LTBP2: variants seen among roughly 807,000 people sequenced by gnomAD.
LTBP2 encodes latent transforming growth factor beta binding protein 2, also known as latent-transforming growth factor beta-binding protein 2.
Under a neutral mutation model 210.6 loss-of-function variants are expected in LTBP2, and 103 were observed. The observed-to-expected ratio is 0.49, with a 90% CI of 0.42 to 0.58. The LOEUF (loss-of-function observed/expected upper bound fraction) is 0.58. Among genes scored for constraint, LTBP2 ranks in the 20% least tolerant of loss-of-function variants. The pLI, the probability that LTBP2 is intolerant of heterozygous loss-of-function variation, is 0.00. For synonymous variants in LTBP2, 1,007 were observed against 1,015.0 expected (o/e 0.99, Z 0.15); for missense variants, 2,313 against 2,494.5 (o/e 0.93, Z 1.55).
chr14:74,608,460 G>A (rs2088558018), intron 1 of LTBP2, among the ~76,000 whole-genome samples: 1 of 151,610 alleles, frequency 6.6e-6, no homozygotes, highest in South Asian at 2.1e-4. Flanking sequence ...TGTAATCCCA[G>A]CACTTTGGGA....
chr14:74,502,107 G>A, intron 34 of LTBP2: 2 of 283,068 alleles, frequency 7.1e-6, no homozygotes, highest in South Asian at 7.5e-5. Flanking sequence ...CCAGAGGTAT[G>A]GTTTTAGTCT....
chr14:74,525,133 T>A lies in LTBP2; in HGVS notation c.2521A>T (p.Ser841Cys). ...TPSTDVLVTL[S>C]TPGIDRCAAG... ...GTCTGGCTGCAGCTACCTGGGGTGCTCAGGGTCACCAGCACATCAGTGGAG... is the reference window on the plus strand; with the variant it reads ...GTCTGGCTGCAGCTACCTGGGGTGCACAGGGTCACCAGCACATCAGTGGAG... The change falls in exon 15 of 36, where the codon AGC (serine) becomes TGC (cysteine). Residue 841 changes from serine (S) to cysteine (C), a missense_variant. By Grantham distance (112) the Ser-to-Cys change is moderately radical (BLOSUM62 -1). Transcript: ENST00000261978. 7.5e-7 allele frequency: 1 copy of A among 1,328,980 alleles called. No homozygotes were observed. The highest frequency in any genetic ancestry group is 9.7e-7 in the Non-Finnish European group (1 of 1,029,962). The allele number at this position is 1,328,980 out of a possible 1,614,324, so 82.3% of individuals were successfully genotyped here. A position where few individuals can be genotyped will look rare whatever the true frequency, so the allele number is the denominator to read the frequency against.
At chr14:74,509,391 A>G (rs1019718719) in intron 21 of LTBP2, 28 bp from the exon 22 acceptor site, 1 of 1,611,908 alleles carries the variant, frequency 6.2e-7, no homozygotes, top group Admixed American at 1.7e-5. Flanking sequence ...TCGCCCGGGG[A>G]CCTAGGAGGG....
At chr14:74,573,635 A>G (rs10139746) in intron 3 of LTBP2, among the ~76,000 whole-genome samples, 70,645 of 152,018 alleles carry the variant, frequency 0.46, 17,442 homozygotes, top group Non-Finnish European at 0.56. Context: ...GGAGGGTAAG[A>G]GCTTGCCTAC....
In LTBP2 at chr14:74,597,839, C is replaced by T. The variant is rs182731759; in HGVS notation, c.565+5796G>A. On this transcript the variant is annotated intron_variant, in intron 2 of 35. Coordinates refer to ENST00000261978, the MANE Select transcript of LTBP2 (RefSeq NM_000428.3). ...CAGAGTCCCCACTGGCTGGTTCATCCGGAGATGAGACTTTCCTGGCTCCTG... is the reference window on the plus strand; with the variant it reads ...CAGAGTCCCCACTGGCTGGTTCATCTGGAGATGAGACTTTCCTGGCTCCTG... Among the ~76,000 whole-genome samples the T allele has an allele frequency of 2.4e-4, 37 of 152,302 alleles. 1 individual carries two copies. In the East Asian group the frequency reaches 5.0e-3, roughly 21 times the overall value.
At chr14:74,570,612 G>A (rs1220800807) in intron 3 of LTBP2, among the ~76,000 whole-genome samples, 2 of 148,018 alleles carry the variant, frequency 1.4e-5, no homozygotes, top group Admixed American at 1.4e-4. Flanking sequence ...GATGTGCCAG[G>A]CCTCTGCTAA....
At position 74,516,819 on chromosome 14, in the gene LTBP2, T is replaced by G. The variant is rs1014962777; in HGVS notation, c.2908+3A>C. On this transcript the variant is annotated splice_donor_region_variant and intron_variant, in intron 18 of 35. Coordinates refer to ENST00000261978, the MANE Select transcript of LTBP2 (RefSeq NM_000428.3). ...GGGCGCTTCCCTCCTTCCCGTTCCT[T>G]ACCTTGGCAGTGTCCTTTCCTGACC... is the stretch of plus-strand genomic sequence containing the variant. 3 of 1,551,728 alleles carry G rather than the reference T, an allele frequency of 1.9e-6. No homozygotes were observed. The highest frequency in any genetic ancestry group is 2.6e-6 in the Non-Finnish European group (3 of 1,147,012).
At chr14:74,566,080 T>A (rs1203710087) in intron 3 of LTBP2, among the ~76,000 whole-genome samples, 4 of 152,120 alleles carry the variant, frequency 2.6e-5, no homozygotes, top group African/African-American at 9.7e-5. Flanking sequence ...GTTTTTTTTT[T>A]TAATTTTTTT....
chr14:74,591,853 A>G (rs2088288083), intron 2 of LTBP2, among the ~76,000 whole-genome samples: 1 of 152,156 alleles, frequency 6.6e-6, no homozygotes, highest in South Asian at 2.1e-4. Flanking sequence ...TTCATAGGCT[A>G]TATTTTTCCC....
intron 2 of LTBP2, among the ~76,000 whole-genome samples, chr14:74,587,673 A>G (rs1477413375): frequency 1.3e-5 from 2 of 151,908 alleles, no homozygotes; most frequent in African/African-American, 4.8e-5. Context: ...AGATACACAG[A>G]CCCTGTCATC....
At position 74,500,833 on chromosome 14, in the gene LTBP2, G is replaced by A; in HGVS notation, c.*51C>T. 1 of 1,610,240 alleles carries A rather than the reference G, an allele frequency of 6.2e-7. No homozygotes were observed. Among genetic ancestry groups the A allele is most frequent in the Non-Finnish European group, 8.5e-7 (1 of 1,177,848 alleles). ...CTAGGAAATCATCCTCAAGGCCCCTGCCTGTGACTGGAGGCCATTTCCAGG... is the reference window on the plus strand; with the variant it reads ...CTAGGAAATCATCCTCAAGGCCCCTACCTGTGACTGGAGGCCATTTCCAGG... On this transcript the variant is annotated 3_prime_UTR_variant, in exon 36 of 36. Transcript: ENST00000261978.
At chr14:74,569,565 C>T (rs2087948316) in intron 3 of LTBP2, among the ~76,000 whole-genome samples, 1 of 152,170 alleles carries the variant, frequency 6.6e-6, no homozygotes, top group Middle Eastern at 3.2e-3. Flanking sequence ...GGTTACTCCT[C>T]CCAGGTCCAA....
At chr14:74,587,443 G>C (rs2088222593) in intron 2 of LTBP2, among the ~76,000 whole-genome samples, 1 of 151,878 alleles carries the variant, frequency 6.6e-6, no homozygotes, top group South Asian at 2.1e-4. Context: ...AGGAGACTCA[G>C]ATGGGGCGGC....
At chr14:74,581,668 C>T (rs562021197) in intron 3 of LTBP2, among the ~76,000 whole-genome samples, 4 of 152,158 alleles carry the variant, frequency 2.6e-5, no homozygotes, top group Non-Finnish European at 5.9e-5. Context: ...AACCGAGCCC[C>T]CCTAGAGCCC....
intron 4 of LTBP2, among the ~76,000 whole-genome samples, chr14:74,554,417 T>C (rs1034284972): frequency 3.3e-5 from 5 of 152,144 alleles, no homozygotes; most frequent in African/African-American, 1.2e-4. Context: ...GAGGATCACT[T>C]GAGCTCAGGA....
chr14:74,540,333 C>G (rs566830468), intron 8 of LTBP2, among the ~76,000 whole-genome samples: 1 of 151,710 alleles, frequency 6.6e-6, no homozygotes, highest in African/African-American at 2.4e-5. Flanking sequence ...AGTCAGCGGG[C>G]GTGGTGGCAT....
intron 2 of LTBP2, among the ~76,000 whole-genome samples, chr14:74,597,878 G>C (rs549535362): frequency 6.6e-6 from 1 of 152,284 alleles, no homozygotes; most frequent in East Asian, 1.9e-4. Context: ...CCTGGCTCCT[G>C]GTGGGTGCTA....
intron 3 of LTBP2, among the ~76,000 whole-genome samples, chr14:74,578,323 C>A (rs763661325): frequency 9.2e-5 from 14 of 152,310 alleles, no homozygotes; most frequent in African/African-American, 3.4e-4. Context: ...CCCCGCGAAT[C>A]GTGCTACATT....
chr14:74,550,481 C>T (rs1288311208), intron 7 of LTBP2, among the ~76,000 whole-genome samples: 1 of 152,174 alleles, frequency 6.6e-6, no homozygotes, highest in African/African-American at 2.4e-5. Flanking sequence ...GGAAACTAAG[C>T]GGTTTCCTGG....
Sources: allele counts gnomAD v4.1 joint callset (sites outside exome capture counted in the v4.1 genomes callset), GRCh38; gene constraint gnomAD v4.1.1; transcripts MANE v1.5; gene names NCBI Gene and HGNC (gene_info 2026-07-23, HGNC 2026-07-21).